SLC8A1: variants seen among roughly 807,000 people sequenced by gnomAD.
SLC8A1 encodes the protein solute carrier family 8 member A1.
SLC8A1 carries 18 observed loss-of-function variants against 68.3 expected under a neutral mutation model. That is an observed-to-expected ratio of 0.26 (90% CI 0.18 to 0.39). The LOEUF is 0.39. Among genes scored for constraint, SLC8A1 ranks in the 10% least tolerant of loss-of-function variants. SLC8A1 has a pLI of 1.00. For synonymous variants in SLC8A1, 475 were observed against 415.5 expected (o/e 1.14, Z -1.74); for missense variants, 985 against 1,156.7 (o/e 0.85, Z 2.15).
At chr2:40,363,815 C>G (rs1429464464) in intron 2 of SLC8A1, among the ~76,000 whole-genome samples, 1 of 151,938 alleles carries the variant, frequency 6.6e-6, no homozygotes, top group African/African-American at 2.4e-5. Flanking sequence ...TGAGTTATAA[C>G]ATTCATTTCT....
intron 2 of SLC8A1, among the ~76,000 whole-genome samples, chr2:40,325,678 A>AATCT (rs906501492): frequency 1.3e-5 from 2 of 150,338 alleles, no homozygotes; most frequent in African/African-American, 4.9e-5. Flanking sequence ...GCACGCCTGT[A>AATCT]ATCTCAGCAC....
upstream of SLC8A1, among the ~76,000 whole-genome samples, chr2:40,456,430 T>A (rs947293946): frequency 6.6e-6 from 1 of 152,114 alleles, no homozygotes; most frequent in Non-Finnish European, 1.5e-5. Flanking sequence ...GTCCTGCAAC[T>A]TTATCAATGG....
chr2:40,383,494 A>G (rs1682584956), intron 2 of SLC8A1, among the ~76,000 whole-genome samples: 1 of 152,110 alleles, frequency 6.6e-6, no homozygotes, highest in South Asian at 2.1e-4. Flanking sequence ...AATAACAATG[A>G]GCATATTTGC....
intron 2 of SLC8A1, among the ~76,000 whole-genome samples, chr2:40,396,442 C>T (rs934215138): frequency 6.6e-6 from 1 of 152,052 alleles, no homozygotes; most frequent in Non-Finnish European, 1.5e-5. Context: ...ATAATACCAT[C>T]ATTCTATTCT....
intron 2 of SLC8A1, among the ~76,000 whole-genome samples, chr2:40,379,694 C>T (rs1681095389): frequency 6.6e-6 from 1 of 151,860 alleles, no homozygotes; most frequent in South Asian, 2.1e-4. Flanking sequence ...ATCACCATCA[C>T]CTTTGGGACC....
chr2:40,412,065 A>G (rs1056757584), intron 2 of SLC8A1, among the ~76,000 whole-genome samples: 5 of 152,166 alleles, frequency 3.3e-5, no homozygotes, highest in Non-Finnish European at 2.9e-5. Flanking sequence ...CTAGCCCAAT[A>G]TTACTTTCCA....
intron 1 of SLC8A1, among the ~76,000 whole-genome samples, chr2:40,446,054 G>A (rs1361317897): frequency 1.3e-5 from 2 of 152,212 alleles, no homozygotes; most frequent in Non-Finnish European, 2.9e-5. Flanking sequence ...GAAAGCTGAA[G>A]AAATGGGAAG....
exon 8 of SLC8A1, chr2:40,101,382 T>G (rs2033883302): frequency 6.6e-6 from 1 of 152,132 alleles, no homozygotes; most frequent in Admixed American, 6.6e-5. Flanking sequence ...AATTTAGTAC[T>G]GTTACACAGT....
intron 2 of SLC8A1, among the ~76,000 whole-genome samples, chr2:40,363,923 C>G (rs982027357): frequency 6.6e-6 from 1 of 151,842 alleles, no homozygotes; most frequent in African/African-American, 2.4e-5. Context: ...TATTTAGTGG[C>G]ATTTACATGT....
intron 2 of SLC8A1, among the ~76,000 whole-genome samples, chr2:40,391,735 G>T (rs138095765): frequency 7.6e-4 from 116 of 152,052 alleles, no homozygotes; most frequent in African/African-American, 2.6e-3. Flanking sequence ...GGAAAATTTA[G>T]GGGGCACTGA....
intron 2 of SLC8A1, among the ~76,000 whole-genome samples, chr2:40,240,252 C>A (rs757432157): frequency 3.3e-5 from 5 of 152,214 alleles, no homozygotes; most frequent in Non-Finnish European, 4.4e-5. Flanking sequence ...GACGACATGG[C>A]AGGCTCTGTG....
intron 2 of SLC8A1, among the ~76,000 whole-genome samples, chr2:40,238,375 CT>C (rs752664816): frequency 5.3e-5 from 8 of 152,202 alleles, no homozygotes; most frequent in Admixed American, 1.3e-4. Flanking sequence ...TTTCCAGGTG[CT>C]GTCCGTCACC....
At chr2:40,111,332 G>A (rs532208854) in exon 8 of SLC8A1, 74 of 152,262 alleles carry the variant, frequency 4.9e-4, no homozygotes, top group African/African-American at 1.7e-3. Context: ...TAAAGAAATA[G>A]AGGTTGGCTG....
At chr2:40,295,513 A>T (rs1056367456) in intron 2 of SLC8A1, among the ~76,000 whole-genome samples, 1 of 152,188 alleles carries the variant, frequency 6.6e-6, no homozygotes, top group Non-Finnish European at 1.5e-5. Context: ...TCTATCTATA[A>T]ACATTAGTAA....
chr2:40,147,790 G>A (rs1402056803), intron 6 of SLC8A1, among the ~76,000 whole-genome samples: 1 of 152,192 alleles, frequency 6.6e-6, no homozygotes, highest in Non-Finnish European at 1.5e-5. Flanking sequence ...ATGCTGCCCA[G>A]AGCCTCTTAA....
At chr2:40,454,357 G>C (rs1702864815), upstream of SLC8A1, among the ~76,000 whole-genome samples, 1 of 151,858 alleles carries the variant, frequency 6.6e-6, no homozygotes, top group East Asian at 1.9e-4. Context: ...TTATTGCTAT[G>C]ACGGGCCGCT....
intron 2 of SLC8A1, among the ~76,000 whole-genome samples, chr2:40,415,356 G>C (rs1284155723): frequency 6.6e-6 from 1 of 151,044 alleles, no homozygotes; most frequent in Non-Finnish European, 1.5e-5. Flanking sequence ...CAATCCTACA[G>C]ATCTACTTCA....
At chr2:40,324,838 A>G (rs1345278955) in intron 2 of SLC8A1, among the ~76,000 whole-genome samples, 1 of 152,172 alleles carries the variant, frequency 6.6e-6, no homozygotes, top group Non-Finnish European at 1.5e-5. Flanking sequence ...ATGTTTTGCT[A>G]TTAAAGCACA....
chr2:40,428,404 C>T, intron 2 of SLC8A1, 69 bp downstream of exon 2: 2 of 1,426,072 alleles, frequency 1.4e-6, no homozygotes, highest in South Asian at 1.5e-5. Flanking sequence ...CACAGACTCA[C>T]ATTCATAAAC....
Sources: allele counts gnomAD v4.1 joint callset (sites outside exome capture counted in the v4.1 genomes callset), GRCh38; gene constraint gnomAD v4.1.1; transcripts MANE v1.5; gene names NCBI Gene and HGNC (gene_info 2026-07-23, HGNC 2026-07-21).